BICD1: variants seen among roughly 807,000 people sequenced by gnomAD.
BICD1 encodes the protein protein bicaudal D homolog 1.
A neutral mutation model predicts 92.5 loss-of-function variants in BICD1; 35 were observed. That is an observed-to-expected ratio of 0.38 (90% CI 0.29 to 0.50). The LOEUF is 0.50. Among genes scored for constraint, BICD1 ranks in the 20% least tolerant of loss-of-function variants. The probability of loss-of-function intolerance (pLI) is 0.93; values close to 1 mark genes in which losing one functional copy is unlikely to be tolerated. For missense variants in BICD1, 950 were observed against 1,189.8 expected (o/e 0.80, Z 2.97); for synonymous variants, 429 against 465.1 (o/e 0.92, Z 1.00).
intron 2 of BICD1, among the ~76,000 whole-genome samples, chr12:32,286,748 C>T (rs981191642): frequency 6.6e-6 from 1 of 152,142 alleles, no homozygotes; most frequent in Admixed American, 6.5e-5. Context: ...GGATTAATCA[C>T]TTGTATACCT....
chr12:32,343,338 C>T (rs1938451085), intron 8 of BICD1, among the ~76,000 whole-genome samples: 3 of 152,036 alleles, frequency 2.0e-5, no homozygotes, highest in South Asian at 4.2e-4. Context: ...GTCCCCTCTT[C>T]CTCTTCCTCC....
intron 8 of BICD1, among the ~76,000 whole-genome samples, chr12:32,366,272 G>C (rs113726585): frequency 0.1 from 15,924 of 152,202 alleles, 1,170 homozygotes; most frequent in East Asian, 0.3. Context: ...GTAGAGCCTC[G>C]TTAAGGCTAT....
At position 32,328,526 on chromosome 12, in the gene BICD1, T is replaced by C. The variant is rs765101601; in HGVS notation, c.2071T>C (p.Leu691=). Residue 691 remains leucine (L), a synonymous_variant, in exon 5 of 10, where the codon TTG becomes CTG. Coordinates refer to ENST00000652176, the MANE Select transcript of BICD1 (RefSeq NM_001714.4). The surrounding 1 kb of genome is among the most constrained non-coding windows in gnomAD (Gnocchi z 4.4). ...LSTKREQIAT[L]RAVLKANKQT... is the part of the protein sequence containing the mutation. Reference sequence around the variant, plus strand: ...CACCAAACGGGAGCAGATCGCCACATTGAGGGCGGTGTTGAAAGCCAACAA... The same window carrying C: ...CACCAAACGGGAGCAGATCGCCACACTGAGGGCGGTGTTGAAAGCCAACAA... 3.0e-5 allele frequency: 48 copies of C among 1,613,196 alleles called. No homozygotes were observed. Among genetic ancestry groups the C allele is most frequent in the Middle Eastern group, 1.6e-4 (1 of 6,072 alleles).
chr12:32,335,009 GAATAGCTA>G (rs1175726301), intron 6 of BICD1, among the ~76,000 whole-genome samples: 7 of 152,104 alleles, frequency 4.6e-5, no homozygotes, highest in African/African-American at 1.7e-4. Flanking sequence ...CCACTTCCTA[GAATAGCTA>G]AATATTATCA....
At chr12:32,363,623 A>G (rs1421207096) in intron 8 of BICD1, among the ~76,000 whole-genome samples, 1 of 152,192 alleles carries the variant, frequency 6.6e-6, no homozygotes, top group African/African-American at 2.4e-5. Flanking sequence ...AACCTCCAGG[A>G]AGCACTCCCT....
rs1592501144 is a variant in BICD1, at chr12:32,221,033, G to A, written c.426+4574G>A. On this transcript the variant is annotated intron_variant, in intron 2 of 9. Coordinates refer to ENST00000652176, the MANE Select transcript of BICD1 (RefSeq NM_001714.4). ...ACCGCATATTCTCACTCATAGGTGG[G>A]AATTGAACAATGAGAACACATGGAC... Among the ~76,000 whole-genome samples, 4 of 143,442 alleles carry A rather than the reference G, an allele frequency of 2.8e-5. No homozygotes were observed. In the East Asian group the frequency reaches 8.2e-4, roughly 29 times the overall value. 94.1% of individuals were successfully genotyped at this position (143,442 alleles called of 152,430 possible).
At chr12:32,292,124 A>C (rs150894582) in intron 2 of BICD1, among the ~76,000 whole-genome samples, 1,956 of 152,286 alleles carry the variant, frequency 0.013, 27 homozygotes, top group Non-Finnish European at 0.018. Flanking sequence ...CTGGAGGCCA[A>C]AAGTCAGAAA....
At chr12:32,277,800 T>A (rs1248807140) in intron 2 of BICD1, among the ~76,000 whole-genome samples, 7 of 152,252 alleles carry the variant, frequency 4.6e-5, no homozygotes, top group South Asian at 4.1e-4. Context: ...ATGATGCTCA[T>A]CTAGCATTTT....
chr12:32,366,591 A>C (rs1469206031), intron 8 of BICD1, among the ~76,000 whole-genome samples: 1 of 152,222 alleles, frequency 6.6e-6, no homozygotes, highest in African/African-American at 2.4e-5. Flanking sequence ...GGTTGCAGTG[A>C]GCTGAGATTG....
chr12:32,215,908 T>C (rs889785991), intron 1 of BICD1, among the ~76,000 whole-genome samples: 15 of 129,096 alleles, frequency 1.2e-4, no homozygotes, highest in South Asian at 2.6e-4. Context: ...GATCCGAGAT[T>C]GCACCACTGC....
intron 1 of BICD1, among the ~76,000 whole-genome samples, chr12:32,130,584 G>A (rs575093166): frequency 5.9e-5 from 9 of 152,298 alleles, no homozygotes; most frequent in Admixed American, 5.2e-4. Flanking sequence ...TGGATTGGCA[G>A]TCTGTATTAA....
intron 2 of BICD1, among the ~76,000 whole-genome samples, chr12:32,254,036 A>AT (rs1270685032): frequency 3.3e-5 from 2 of 60,292 alleles, no homozygotes; most frequent in African/African-American, 5.2e-5. Context: ...CACTGCCCAT[A>AT]TCCCACCTGC....
chr12:32,314,274 C>A lies in BICD1; in HGVS notation c.1005+8152C>A, dbSNP rs143121998. Among the ~76,000 whole-genome samples, 34 of 152,146 alleles carry A rather than the reference C, an allele frequency of 2.2e-4. No individual in the cohort carries two copies. In the East Asian group the frequency reaches 6.0e-3, roughly 27 times the overall value. On this transcript the variant is annotated intron_variant, in intron 4 of 9. Transcript: ENST00000652176. The stretch of plus-strand genomic sequence containing the variant: ...TCGTGTGCACGTATGTTTTAATTCC[C>A]GGGGGAGTTAATACTAGAGGTGGAA...
At chr12:32,168,832 G>T (rs1228161077) in intron 1 of BICD1, among the ~76,000 whole-genome samples, 1 of 152,104 alleles carries the variant, frequency 6.6e-6, no homozygotes, top group Admixed American at 6.6e-5. Flanking sequence ...GTTTGTGGCG[G>T]GTACCTGTAA....
At chr12:32,194,491 C>T (rs1944668037) in intron 1 of BICD1, among the ~76,000 whole-genome samples, 1 of 152,182 alleles carries the variant, frequency 6.6e-6, no homozygotes, top group Non-Finnish European at 1.5e-5. Context: ...AGTAAAGTTG[C>T]AGGATACAAA....
intron 2 of BICD1, among the ~76,000 whole-genome samples, chr12:32,284,959 C>T (rs993340080): frequency 2.6e-5 from 4 of 152,128 alleles, no homozygotes; most frequent in African/African-American, 9.7e-5. Context: ...AGCTGTTTTC[C>T]AGATTTTTCT....
At chr12:32,367,622 G>C (rs1185868229) in intron 8 of BICD1, 48 bp from the exon 9 acceptor site, 1 of 1,557,964 alleles carries the variant, frequency 6.4e-7, no homozygotes. Flanking sequence ...CTAACACCTT[G>C]CTCTGTCATC....
chr12:32,276,152 T>A (rs1947270495), intron 2 of BICD1, among the ~76,000 whole-genome samples: 1 of 152,122 alleles, frequency 6.6e-6, no homozygotes, highest in African/African-American at 2.4e-5. Context: ...CCAGATGCAG[T>A]CCATGACTAA....
intron 2 of BICD1, among the ~76,000 whole-genome samples, chr12:32,272,618 T>G (rs1947171409): frequency 6.6e-6 from 1 of 152,150 alleles, no homozygotes; most frequent in African/African-American, 2.4e-5. Context: ...CAATAAAACT[T>G]GTTTATTCCA....
Sources: gnomAD v4.1 joint callset for allele counts (sites outside exome capture counted in the v4.1 genomes callset) on GRCh38, gnomAD v4.1.1 for gene constraint, Gnocchi (gnomAD v3.1) non-coding constraint, MANE v1.5 for transcripts, NCBI Gene and HGNC (gene_info 2026-07-23, HGNC 2026-07-21) for gene names.